RGS7BP: variants seen among roughly 807,000 people sequenced by gnomAD.
RGS7BP encodes regulator of G protein signaling 7-binding protein.
Under a neutral mutation model 31.3 loss-of-function variants are expected in RGS7BP, and 9 were observed. The ratio of observed to expected loss-of-function variants is 0.29; its 90% confidence interval spans 0.17 to 0.50. The LOEUF is 0.50. Among genes scored for constraint, RGS7BP ranks in the 20% least tolerant of loss-of-function variants. The pLI is 0.98. For missense variants in RGS7BP, 274 were observed against 322.0 expected, an observed-to-expected ratio of 0.85 and a Z score of 1.14; for synonymous variants, 115 against 120.1, an observed-to-expected ratio of 0.96 and a Z score of 0.28.
chr5:64,594,393 C>T (rs1316544547), intron 3 of RGS7BP, among the ~76,000 whole-genome samples: 1 of 152,136 alleles, frequency 6.6e-6, no homozygotes. Flanking sequence ...CCTGAGCTAA[C>T]TTAATCTAAT....
At chr5:64,534,547 A>T (rs868656375) in intron 2 of RGS7BP, among the ~76,000 whole-genome samples, 2 of 152,066 alleles carry the variant, frequency 1.3e-5, no homozygotes, top group Non-Finnish European at 2.9e-5. Flanking sequence ...AGTGATGAGG[A>T]TGAGGGAAAG....
intron 2 of RGS7BP, among the ~76,000 whole-genome samples, chr5:64,556,981 A>T (rs1415710303): frequency 6.6e-6 from 1 of 152,188 alleles, no homozygotes; most frequent in East Asian, 1.9e-4. Context: ...GAATTAGTGC[A>T]CATCACTTGG....
intron 2 of RGS7BP, among the ~76,000 whole-genome samples, chr5:64,558,402 T>C (rs768001880): frequency 5.8e-4 from 89 of 152,272 alleles, no homozygotes; most frequent in Non-Finnish European, 1.0e-3. Context: ...TCTCTGAACA[T>C]AAATTATAAA....
chr5:64,582,070 T>C (rs1026411329), intron 3 of RGS7BP, among the ~76,000 whole-genome samples: 19 of 152,370 alleles, frequency 1.2e-4, no homozygotes, highest in African/African-American at 4.6e-4. Context: ...CTTTAAGTTA[T>C]AGATTGAAGC....
At chr5:64,507,482 G>A (rs1580379273) in intron 1 of RGS7BP, among the ~76,000 whole-genome samples, 1 of 152,116 alleles carries the variant, frequency 6.6e-6, no homozygotes, top group Non-Finnish European at 1.5e-5. Context: ...AGTAGGTCTG[G>A]AAATAGAGCT....
At chr5:64,544,556 C>A (rs575986467) in intron 2 of RGS7BP, among the ~76,000 whole-genome samples, 2 of 151,424 alleles carry the variant, frequency 1.3e-5, no homozygotes, top group East Asian at 3.9e-4. Context: ...TGCCTATAGT[C>A]CTAGCCACCT....
intron 2 of RGS7BP, among the ~76,000 whole-genome samples, chr5:64,533,320 G>A (rs905414987): frequency 2.0e-5 from 3 of 152,162 alleles, no homozygotes; most frequent in Non-Finnish European, 4.4e-5. Context: ...TAATGAATAA[G>A]AAGCTTTGAA....
Position 64,611,290 on chromosome 5 carries a change from T to C in RGS7BP, c.*2038T>C, listed in dbSNP as rs898891327. 2.6e-5 allele frequency: 4 copies of C among 152,338 alleles called. No homozygotes were observed. The highest frequency in any genetic ancestry group is 2.1e-4 in the South Asian group (1 of 4,826). The allele number at this position is 152,338 out of a possible 1,614,324, so 9.4% of individuals were successfully genotyped here. The stretch of plus-strand genomic sequence containing the variant: ...CAGCACCTGCCTCTGCCCTCTCCTA[T>C]ACTTCAACTATATTGAACTCTAGCT... On this transcript the variant is annotated 3_prime_UTR_variant, in exon 6 of 6. Coordinates refer to ENST00000334025, the MANE Select transcript of RGS7BP (RefSeq NM_001029875.3).
At chr5:64,511,928 A>C (rs916832928) in intron 2 of RGS7BP, among the ~76,000 whole-genome samples, 9 of 152,188 alleles carry the variant, frequency 5.9e-5, no homozygotes, top group African/African-American at 2.2e-4. Context: ...CCAGACTGTC[A>C]ATGGCACTGC....
intron 2 of RGS7BP, among the ~76,000 whole-genome samples, chr5:64,510,600 C>T (rs1199545063): frequency 1.3e-5 from 2 of 152,074 alleles, no homozygotes; most frequent in Non-Finnish European, 2.9e-5. Flanking sequence ...GGAAATGTTC[C>T]AGAATTGGAC....
intron 2 of RGS7BP, among the ~76,000 whole-genome samples, chr5:64,550,268 A>T (rs1741758000): frequency 6.6e-6 from 1 of 152,228 alleles, no homozygotes; most frequent in Non-Finnish European, 1.5e-5. Flanking sequence ...AAAGCTGAAC[A>T]TTCAAGATCA....
chr5:64,566,082 A>T (rs1742162561), intron 2 of RGS7BP, among the ~76,000 whole-genome samples: 1 of 152,070 alleles, frequency 6.6e-6, no homozygotes, highest in African/African-American at 2.4e-5. Context: ...CTCTAAATTC[A>T]TCATATCAAC....
chr5:64,538,505 CTTTT>C (rs1209747313), intron 2 of RGS7BP, among the ~76,000 whole-genome samples: 1 of 37,970 alleles, frequency 2.6e-5, no homozygotes, highest in Non-Finnish European at 5.6e-5. Context: ...CTTTTCTTTT[CTTTT>C]TTTTTTTCCT....
At chr5:64,554,644 G>T (rs1361426217) in intron 2 of RGS7BP, among the ~76,000 whole-genome samples, 1 of 152,144 alleles carries the variant, frequency 6.6e-6, no homozygotes, top group Non-Finnish European at 1.5e-5. Flanking sequence ...CTGAATATGA[G>T]ATCACAAGTT....
intron 2 of RGS7BP, among the ~76,000 whole-genome samples, chr5:64,559,829 G>A (rs1409637713): frequency 6.6e-6 from 1 of 151,894 alleles, no homozygotes; most frequent in African/African-American, 2.4e-5. Flanking sequence ...CATTTATTTG[G>A]TATTTACCAA....
chr5:64,534,662 A>G (rs1054763337), intron 2 of RGS7BP, among the ~76,000 whole-genome samples: 2 of 152,208 alleles, frequency 1.3e-5, no homozygotes, highest in Admixed American at 6.5e-5. Flanking sequence ...TGAGAGAGCA[A>G]AAAATCAAAA....
At chr5:64,527,112 G>T (rs1749250196) in intron 2 of RGS7BP, among the ~76,000 whole-genome samples, 1 of 152,180 alleles carries the variant, frequency 6.6e-6, no homozygotes, top group Admixed American at 6.5e-5. Context: ...GCTCAAGAAA[G>T]AATAATTATA....
At chr5:64,589,958 C>T (rs1311119746) in intron 3 of RGS7BP, among the ~76,000 whole-genome samples, 1 of 149,576 alleles carries the variant, frequency 6.7e-6, no homozygotes, top group Non-Finnish European at 1.5e-5. Context: ...CAAGTAAATG[C>T]ACTGCATAGT....
In RGS7BP at chr5:64,544,358, T is replaced by G. The variant is rs115831758; in HGVS notation, c.333-31416T>G. ...GGAGGATTTCCCAAAGAAAGTGATA[T>G]AGATATCTAAGATGAGACTTGAAGA... On this transcript the variant is annotated intron_variant, in intron 2 of 5. Transcript: ENST00000334025. 3.5e-3 allele frequency among the ~76,000 whole-genome samples: 532 copies of G among 152,186 alleles called. 6 individuals carry two copies. The highest frequency in any genetic ancestry group is 0.011 in the African/African-American group (459 of 41,534).
Sources: allele counts gnomAD v4.1 joint callset (sites outside exome capture counted in the v4.1 genomes callset), GRCh38; gene constraint gnomAD v4.1.1; transcripts MANE v1.5; gene names NCBI Gene and HGNC (gene_info 2026-07-23, HGNC 2026-07-21).